TOP3B: variants seen among roughly 807,000 people sequenced by gnomAD.
TOP3B encodes the protein DNA topoisomerase III beta.
A neutral mutation model predicts 93.9 loss-of-function variants in TOP3B; 45 were observed. That is an observed-to-expected ratio of 0.48 (90% CI 0.38 to 0.61). The LOEUF (loss-of-function observed/expected upper bound fraction) is 0.61. Ranked by LOEUF, TOP3B falls within the 20% of genes least tolerant of loss-of-function variation. TOP3B has a pLI of 0.00. For missense variants in TOP3B, 750 were observed against 1,156.1 expected, an observed-to-expected ratio of 0.65 and a Z score of 5.09; for synonymous variants, 357 against 472.6, an observed-to-expected ratio of 0.76 and a Z score of 3.17.
chr22:21,966,486 G>A (rs796460858), intron 8 of TOP3B: 9 of 152,302 alleles, frequency 5.9e-5, no homozygotes, highest in African/African-American at 2.2e-4. Flanking sequence ...TACCTCTTCT[G>A]ATTTTTCAAG....
Position 21,958,634 on chromosome 22 carries a change from G to A in TOP3B, c.1965C>T (p.Asn655=), listed in dbSNP as rs112983173. ...GCTCCTTGTAGAGCTTGATGGTGCC[G>A]TTCTGGGGGAGCGTGTAGGTCTCAT... ...HCDETYTLPQ[N]GTIKLYKELR... Residue 655 remains asparagine (N), a synonymous_variant, in exon 17 of 18, where the codon AAC becomes AAT. Coordinates refer to ENST00000357179, the MANE Select transcript of TOP3B (RefSeq NM_001282112.2). The A allele has an allele frequency of 2.8e-5, 45 of 1,613,872 alleles. No homozygotes were observed. In the African/African-American group the frequency reaches 3.1e-4, roughly 11 times the overall value.
chr22:21,958,990 GTAT>G, intron 16 of TOP3B, 139 bp downstream of exon 16: 1 of 1,272,856 alleles, frequency 7.9e-7, no homozygotes, highest in Non-Finnish European at 1.1e-6. Flanking sequence ...GGGACACTGG[GTAT>G]TTTTTGGCAA....
chr22:21,962,221 G>C, intron 13 of TOP3B: 2 of 1,501,822 alleles, frequency 1.3e-6, no homozygotes, highest in East Asian at 4.9e-5. Context: ...TCACAGGGAA[G>C]GCCAGGTCCT....
rs2071076732 is a variant in TOP3B, at chr22:21,959,569, G to C, written c.1804+18C>G. 6.3e-7 allele frequency: 1 copy of C among 1,597,346 alleles called. No homozygotes were observed. The highest frequency in any genetic ancestry group is 8.5e-7 in the Non-Finnish European group (1 of 1,169,724). ...GAGACACCCCTCTGGTGAGGGGCAGGCCAGAGGCAGACTCTACCAGCAATG... is the reference window on the plus strand; with the variant it reads ...GAGACACCCCTCTGGTGAGGGGCAGCCCAGAGGCAGACTCTACCAGCAATG... On this transcript the variant is annotated intron_variant, in intron 15 of 17. Coordinates refer to ENST00000357179, the MANE Select transcript of TOP3B (RefSeq NM_001282112.2).
chr22:21,981,452 T>C (rs967152919), intron 1 of TOP3B, among the ~76,000 whole-genome samples: 3 of 152,218 alleles, frequency 2.0e-5, no homozygotes, highest in African/African-American at 7.2e-5. Context: ...CATCTACTTA[T>C]TCAGCTCTTG....
In TOP3B at chr22:21,964,031, G is replaced by C. The variant is rs2071308628; in HGVS notation, c.1099-3C>G. 1 of 1,605,968 alleles carries C rather than the reference G, an allele frequency of 6.2e-7. No homozygotes were observed. The highest frequency in any genetic ancestry group is 8.5e-7 in the Non-Finnish European group (1 of 1,175,874). ...CCTTCTGCTAACAACCGCTTCACCT[G>C]AGGGAGAGAAGACAGAGCAGAGTCT... On this transcript the variant is annotated splice_region_variant and splice_polypyrimidine_tract_variant and intron_variant, in intron 10 of 17. Transcript: ENST00000357179.
Position 21,972,876 on chromosome 22 carries a change from T to A in TOP3B, c.203-158A>T, listed in dbSNP as rs539959065. 3.5e-4 allele frequency: 225 copies of A among 651,894 alleles called. 2 individuals carry two copies. The highest frequency in any genetic ancestry group is 3.2e-3 in the African/African-American group (176 of 55,022). The allele number at this position is 651,894 out of a possible 1,614,324, so 40.4% of individuals were successfully genotyped here. The stretch of plus-strand genomic sequence containing the variant: ...CTGATGATCAGAGGCAGAGCCAGGA[T>A]GTGGGTTCAGGCCTTTGGTAACCCC... On this transcript the variant is annotated intron_variant, in intron 3 of 17. Transcript: ENST00000357179.
At chr22:21,968,332 C>T in intron 7 of TOP3B, 1 of 436,474 alleles carries the variant, frequency 2.3e-6, no homozygotes, top group East Asian at 3.8e-5. Flanking sequence ...AGTGCTTGGA[C>T]CTGACCACTG....
chr22:21,960,295 C>T, intron 14 of TOP3B, 26 bp downstream of exon 14: 4 of 1,612,720 alleles, frequency 2.5e-6, no homozygotes, highest in Non-Finnish European at 3.4e-6. Context: ...CTCGGTGGGC[C>T]CTGGGGGCAG....
chr22:21,958,830 T>C, intron 16 of TOP3B, 137 bp from the exon 17 acceptor site: 1 of 1,355,140 alleles, frequency 7.4e-7, no homozygotes, highest in Non-Finnish European at 9.8e-7. Context: ...GGAGCATGAG[T>C]CTCTGGCTCT....
At position 21,974,435 on chromosome 22, in the gene TOP3B, T is replaced by C. The variant is rs1429167330; in HGVS notation, c.124A>G (p.Thr42Ala). ...ACTGGCTGGCCAGCAAAGGTCCCAG[T>C]GTACTCGTGGACTGAGCAGGCCCCG... ...LNGACSVHEY[T>A]GTFAGQPVRF... The change falls in exon 3 of 18, where the codon ACT becomes GCT. Residue 42 changes from threonine to alanine, a missense_variant. Physicochemically the swap from Thr to Ala is moderately conservative, Grantham distance 58. Transcript: ENST00000357179. 1.9e-6 allele frequency: 3 copies of C among 1,614,092 alleles called. No homozygotes were observed. Among genetic ancestry groups the C allele is most frequent in the African/African-American group, 1.3e-5 (1 of 75,056 alleles).
chr22:21,968,614 G>A lies in TOP3B; in HGVS notation c.738+5C>T, dbSNP rs1222674198. 6.2e-7 allele frequency: 1 copy of A among 1,613,920 alleles called. No homozygotes were observed. The highest frequency in any genetic ancestry group is 1.7e-5 in the Admixed American group (1 of 60,000). On this transcript the variant is annotated splice_donor_5th_base_variant and intron_variant, in intron 7 of 17. Transcript: ENST00000357179. ...CCCCAGCATGAATAGAGAAAGGCAA[G>A]GAACCTTGGCCTGCAGCACCCAGTA...
Position 21,964,248 on chromosome 22 carries a change from T to C in TOP3B, c.1011A>G (p.Pro337=). 4 of 1,614,132 alleles carry C rather than the reference T, an allele frequency of 2.5e-6. No homozygotes were observed. Among genetic ancestry groups the C allele is most frequent in the Non-Finnish European group, 3.4e-6 (4 of 1,180,016 alleles). ...RLYTQGYISY[P]RTETTHYPEN... ...CAGGGTAGTGGGTGGTCTCTGTCCG[T>C]GGGTAGCTGATGTAGCCTTGCGTGT... Residue 337 remains proline, a synonymous_variant, in exon 10 of 18, where the codon CCA becomes CCG. Transcript: ENST00000357179.
At chr22:21,965,421 AC>A in intron 8 of TOP3B, 46 bp from the exon 9 acceptor site, 2 of 1,305,696 alleles carry the variant, frequency 1.5e-6, no homozygotes, top group Non-Finnish European at 2.1e-6. Context: ...GGAAGACACC[AC>A]CATAGAGGGA....
intron 13 of TOP3B, chr22:21,960,652 A>C: frequency 1.5e-6 from 1 of 671,632 alleles, no homozygotes; most frequent in Admixed American, 2.8e-5. Flanking sequence ...TTGAGAACAC[A>C]AGGGCAGCCC....
At position 21,959,651 on chromosome 22, in the gene TOP3B, C is replaced by T. The variant is rs200455698; in HGVS notation, c.1740G>A (p.Gln580=). 5.0e-6 allele frequency: 8 copies of T among 1,613,714 alleles called. No homozygotes were observed. In the Admixed American group the frequency reaches 6.7e-5, roughly 13 times the overall value. The change falls in exon 15 of 18, where the codon CAG becomes CAA. Residue 580 remains glutamine (Q), a synonymous_variant. Coordinates refer to ENST00000357179, the MANE Select transcript of TOP3B (RefSeq NM_001282112.2). ...LIAQGKADYR[Q]VLGHTLDVFK... The stretch of plus-strand genomic sequence containing the variant: ...ACACGTCCAGGGTGTGGCCCAGGAC[C>T]TGGCGGTAGTCGGCCTTGCCCTGGG...
intron 8 of TOP3B, 113 bp downstream of exon 8, chr22:21,967,490 G>A: frequency 1.2e-6 from 1 of 802,964 alleles, no homozygotes; most frequent in Non-Finnish European, 2.1e-6. Flanking sequence ...CTGTGTTTCA[G>A]AAAGGGGGAG....
chr22:21,963,883 C>T lies in TOP3B; in HGVS notation c.1204+40G>A. 1.2e-6 allele frequency: 2 copies of T among 1,604,184 alleles called. No individual in the cohort carries two copies. The highest frequency in any genetic ancestry group is 1.7e-6 in the Non-Finnish European group (2 of 1,172,820). The stretch of plus-strand genomic sequence containing the variant: ...CCTTCACTGTCGCAGCTCGCCCTTC[C>T]CTCCCTGGAAGCACACCGGGTATGG... On this transcript the variant is annotated intron_variant, in intron 11 of 17. Coordinates refer to ENST00000357179, the MANE Select transcript of TOP3B (RefSeq NM_001282112.2). This position sits in a 1 kb window ranked among gnomAD's most constrained non-coding sequence, Gnocchi z 4.8.
At chr22:21,961,328 G>A (rs1422200147) in intron 13 of TOP3B, 4 of 152,324 alleles carry the variant, frequency 2.6e-5, no homozygotes, top group Non-Finnish European at 5.9e-5. Flanking sequence ...GCTCTGGTCA[G>A]GCCCTTTTGA....
Sources: gnomAD v4.1 joint callset for allele counts (sites outside exome capture counted in the v4.1 genomes callset) on GRCh38, gnomAD v4.1.1 for gene constraint, Gnocchi (gnomAD v3.1) non-coding constraint, MANE v1.5 for transcripts, NCBI Gene and HGNC (gene_info 2026-07-23, HGNC 2026-07-21) for gene names.